Variants in GPC3 observed in about 807,000 individuals in gnomAD.
GPC3 encodes glypican 3, also known as glypican-3.
GPC3 carries 3 observed loss-of-function variants against 34.4 expected under a neutral mutation model. The ratio of observed to expected loss-of-function variants is 0.09; its 90% CI spans 0.04 to 0.23. The LOEUF (loss-of-function observed/expected upper bound fraction) is 0.23. GPC3 is among the 10% of genes least tolerant of loss of function. GPC3 has a pLI of 1.00. For missense variants in GPC3, 351 were observed against 445.6 expected (o/e 0.79, Z 1.91); for synonymous variants, 177 against 174.0 (o/e 1.02, Z -0.13).
intron 6 of GPC3, among the ~76,000 whole-genome samples, chrX:133,623,189 C>A (rs1243908748): frequency 8.9e-6 from 1 of 111,919 alleles, no homozygotes; most frequent in Admixed American, 9.5e-5. Flanking sequence ...ACAACTGGTA[C>A]CAGACACTGC....
intron 2 of GPC3, among the ~76,000 whole-genome samples, chrX:133,799,818 G>A (rs1233202076): frequency 9.0e-6 from 1 of 111,381 alleles, no homozygotes; most frequent in African/African-American, 3.3e-5. Flanking sequence ...GCTTCAGATA[G>A]CTATAACCTC....
chrX:133,549,463 T>G (rs1425869858), intron 7 of GPC3, among the ~76,000 whole-genome samples: 1 of 111,441 alleles, frequency 9.0e-6, no homozygotes, highest in Non-Finnish European at 1.9e-5. Context: ...CAGCTCATCT[T>G]TTCTTGCTTT....
At chrX:133,800,978 C>T (rs1023417526) in intron 2 of GPC3, among the ~76,000 whole-genome samples, 37 of 112,225 alleles carry the variant, frequency 3.3e-4, no homozygotes, top group African/African-American at 1.0e-3. Flanking sequence ...GATACTATCT[C>T]TGCTGCTTTG....
Position 133,536,093 on chromosome X carries a change from T to C in GPC3, c.*31A>G, listed in dbSNP as rs182556620. Reference sequence around the variant, plus strand: ...TATCGAGGAAGACCACAGGGTGCTGTAGGGCAGCACATGTGCTGGGCACCA... The same window carrying C: ...TATCGAGGAAGACCACAGGGTGCTGCAGGGCAGCACATGTGCTGGGCACCA... On this transcript the variant is annotated 3_prime_UTR_variant, in exon 8 of 8. Coordinates refer to ENST00000370818, the MANE Select transcript of GPC3 (RefSeq NM_004484.4). The C allele has an allele frequency of 5.6e-4, 626 of 1,113,473 alleles. No homozygotes were observed. In the African/African-American group the frequency reaches 7.6e-3, roughly 14 times the overall value. 91.8% of individuals were successfully genotyped at this position (1,113,473 alleles called of 1,213,427 possible).
chrX:133,953,486 A>G (rs2076402615), intron 1 of GPC3, among the ~76,000 whole-genome samples: 1 of 111,722 alleles, frequency 9.0e-6, no homozygotes, highest in Admixed American at 9.6e-5. Context: ...GCATAAACTA[A>G]TTTATAGCAC....
intron 2 of GPC3, among the ~76,000 whole-genome samples, chrX:133,822,852 G>A (rs183378315): frequency 9.0e-5 from 10 of 110,784 alleles, no homozygotes; most frequent in African/African-American, 3.3e-4. Context: ...TAAACAGCCT[G>A]GCATGGTGGC....
chrX:133,882,728 G>C (rs1349241375), intron 2 of GPC3, among the ~76,000 whole-genome samples: 1 of 111,595 alleles, frequency 9.0e-6, no homozygotes, highest in African/African-American at 3.3e-5. Flanking sequence ...CCATTAACTT[G>C]TGCTGTGACT....
At chrX:133,901,387 C>T (rs929472508) in intron 2 of GPC3, among the ~76,000 whole-genome samples, 1 of 111,171 alleles carries the variant, frequency 9.0e-6, no homozygotes, top group Non-Finnish European at 1.9e-5. Context: ...TATACACATA[C>T]ACATATTTCT....
chrX:133,616,479 C>G (rs2070165229), intron 6 of GPC3, among the ~76,000 whole-genome samples: 1 of 111,162 alleles, frequency 9.0e-6, no homozygotes, highest in South Asian at 3.8e-4. Context: ...CAATTTCTAT[C>G]AAAATTCCAG....
rs907160604 is a variant in GPC3 at position 133,661,562 on chromosome X, C to A, written c.1413+168G>T. 8.2e-4 allele frequency among the ~76,000 whole-genome samples: 55 copies of A among 67,461 alleles called. 1 individual carries two copies. Among genetic ancestry groups the A allele is most frequent in the African/African-American group, 3.2e-3 (53 of 16,693 alleles). The allele number at this position is 67,461 out of a possible 115,157, so 58.6% of individuals were successfully genotyped here. On this transcript the variant is annotated intron_variant, in intron 6 of 7. Transcript: ENST00000370818. ...TTTGAACAGTGGAAGCTGGCTATAT[C>A]TCTCTTTCTCTCTCTCTCTCTCTCT...
At chrX:133,937,821 AT>A (rs1443497862) in intron 2 of GPC3, among the ~76,000 whole-genome samples, 2 of 112,176 alleles carry the variant, frequency 1.8e-5, no homozygotes, top group Non-Finnish European at 3.8e-5. Flanking sequence ...TAAACTCTTG[AT>A]ATTTTTCAGG....
chrX:133,833,284 A>G, intron 2 of GPC3, among the ~76,000 whole-genome samples: 1 of 111,715 alleles, frequency 9.0e-6, no homozygotes, highest in Non-Finnish European at 1.9e-5. Context: ...AAGGGCATGA[A>G]CATATATATA....
At position 133,802,311 on chromosome X, in the gene GPC3, A is replaced by T. The variant is rs1243242098; in HGVS notation, c.338-48135T>A. 1.4e-4 allele frequency among the ~76,000 whole-genome samples: 15 copies of T among 110,631 alleles called. No homozygotes were observed. In the Admixed American group the frequency reaches 1.4e-3, roughly 11 times the overall value. ...CACATATACTCCCCCATCAGTTCAT[A>T]AAAAATAATAGCATTTTAGGAGGAG... On this transcript the variant is annotated intron_variant, in intron 2 of 7. Coordinates refer to ENST00000370818, the MANE Select transcript of GPC3 (RefSeq NM_004484.4).
intron 3 of GPC3, among the ~76,000 whole-genome samples, chrX:133,713,272 G>A: frequency 8.9e-6 from 1 of 112,285 alleles, no homozygotes; most frequent in Non-Finnish European, 1.9e-5. Context: ...CAAATGTGAT[G>A]AAATTTGCAC....
intron 7 of GPC3, among the ~76,000 whole-genome samples, chrX:133,578,999 A>G (rs2069711108): frequency 9.0e-6 from 1 of 111,006 alleles, no homozygotes; most frequent in Admixed American, 9.5e-5. Context: ...CCCCTAACAA[A>G]TCTTCCAGCC....
intron 5 of GPC3, among the ~76,000 whole-genome samples, chrX:133,668,982 TC>T (rs2070799006): frequency 8.9e-6 from 1 of 112,250 alleles, no homozygotes; most frequent in Admixed American, 9.4e-5. Context: ...CCCAGCAGCA[TC>T]GCCACAAAGC....
Position 133,763,387 on chromosome X carries a change from A to G in GPC3, c.338-9211T>C, listed in dbSNP as rs1320795181. ...TTCCTGCAAACGCCTGTGGGAGGTCATGCCTGATCTCTACTTCTACAGAGA... is the reference window on the plus strand; with the variant it reads ...TTCCTGCAAACGCCTGTGGGAGGTCGTGCCTGATCTCTACTTCTACAGAGA... On this transcript the variant is annotated intron_variant, in intron 2 of 7. Transcript: ENST00000370818. 3 of 539,964 alleles carry G rather than the reference A, an allele frequency of 5.6e-6. No individual in the cohort carries two copies. The African/African-American group carries it at 6.7e-5, about 12-fold the overall frequency. The allele number at this position is 539,964 out of a possible 1,213,427, so 44.5% of individuals were successfully genotyped here. A position where few individuals can be genotyped will look rare whatever the true frequency, so the allele number is the denominator to read the frequency against.
At chrX:133,898,134 T>C (rs2076126997) in intron 2 of GPC3, among the ~76,000 whole-genome samples, 2 of 111,465 alleles carry the variant, frequency 1.8e-5, no homozygotes, top group South Asian at 7.6e-4. Context: ...TAATCCGATA[T>C]AATAAAGGTG....
At chrX:133,850,189 G>GTTTTTTTTTTTTTTTTTTTTTTTTTTTT (rs1282213093) in intron 2 of GPC3, among the ~76,000 whole-genome samples, 2 of 72,678 alleles carry the variant, frequency 2.8e-5, no homozygotes, top group African/African-American at 1.5e-4. Flanking sequence ...TGTTTTTTGG[G>GTTTTTTTTTTTTTTTTTTTTTTTTTTTT]TTTTGTTTTT....
Sources: gnomAD v4.1 joint callset for allele counts (sites outside exome capture counted in the v4.1 genomes callset) on GRCh38, gnomAD v4.1.1 for gene constraint, MANE v1.5 for transcripts, NCBI Gene and HGNC (gene_info 2026-07-23, HGNC 2026-07-21) for gene names.